Variants in SLC35B4 observed in about 807,000 individuals in gnomAD.
SLC35B4 encodes nucleotide sugar transporter SLC35B4.
Under a neutral mutation model 39.5 loss-of-function variants are expected in SLC35B4, and 28 were observed. The observed-to-expected ratio is 0.71, with a 90% confidence interval of 0.53 to 0.97. SLC35B4 has a LOEUF of 0.97. Ranked by LOEUF, SLC35B4 falls within the 50% of genes least tolerant of loss-of-function variation. The probability of loss-of-function intolerance (pLI) is 0.00; values close to 1 mark genes in which losing one functional copy is unlikely to be tolerated. For missense variants in SLC35B4, 334 were observed against 414.3 expected (o/e 0.81, Z 1.68); for synonymous variants, 145 against 150.4 (o/e 0.96, Z 0.26).
Position 134,316,896 on chromosome 7 carries a change from C to T in SLC35B4, c.-145G>A. On this transcript the variant is annotated 5_prime_UTR_variant, in exon 1 of 10. Transcript: ENST00000378509. ...CTCTCACTGGGGGCCGCCGCGGTCTCCCCTTCTCCCGCGGCCAACACCGAC... is the reference window on the plus strand; with the variant it reads ...CTCTCACTGGGGGCCGCCGCGGTCTTCCCTTCTCCCGCGGCCAACACCGAC... 1 of 718,152 alleles carries T rather than the reference C, an allele frequency of 1.4e-6. No individual in the cohort carries two copies. The allele number at this position is 718,152 out of a possible 1,614,324, so 44.5% of individuals were successfully genotyped here.
chr7:134,312,864 A>T (rs1259575145), intron 1 of SLC35B4, among the ~76,000 whole-genome samples: 1 of 152,098 alleles, frequency 6.6e-6, no homozygotes. Flanking sequence ...GATTATTACA[A>T]TTCAGTGGGG....
chr7:134,315,992 C>CT (rs5887674), intron 1 of SLC35B4, among the ~76,000 whole-genome samples: 3,254 of 148,338 alleles, frequency 0.022, 133 homozygotes, highest in African/African-American at 0.075. Context: ...CTTCTACTTG[C>CT]TTTTTTTTTT....
chr7:134,298,131 A>G (rs1459126501), intron 8 of SLC35B4, among the ~76,000 whole-genome samples: 1 of 152,228 alleles, frequency 6.6e-6, no homozygotes, highest in African/African-American at 2.4e-5. Flanking sequence ...AATGTCTCAT[A>G]TATACATACA....
intron 8 of SLC35B4, chr7:134,299,249 A>G: frequency 2.8e-6 from 1 of 353,334 alleles, no homozygotes; most frequent in Non-Finnish European, 5.2e-6. Context: ...TGCATTCTCA[A>G]AACATCAAAC....
At chr7:134,296,076 G>A (rs544434610) in intron 9 of SLC35B4, among the ~76,000 whole-genome samples, 5 of 151,780 alleles carry the variant, frequency 3.3e-5, no homozygotes, top group South Asian at 2.1e-4. Context: ...TGATCTGCCC[G>A]CCTCGGCCTC....
intron 8 of SLC35B4, among the ~76,000 whole-genome samples, chr7:134,297,118 G>A (rs188766849): frequency 4.6e-5 from 7 of 151,960 alleles, no homozygotes; most frequent in African/African-American, 1.2e-4. Context: ...ACGGGGTTTC[G>A]CCATGTTGGC....
rs1245516187 is a variant in SLC35B4 at position 134,316,712 on chromosome 7, A to C, written c.40T>G (p.Cys14Gly). The change falls in exon 1 of 10, where the codon TGC (cysteine) becomes GGC (glycine). Residue 14 changes from cysteine to glycine, a missense_variant. Coordinates refer to ENST00000378509, the MANE Select transcript of SLC35B4 (RefSeq NM_032826.5). Reference protein sequence around the residue: ...ALAVGLVFAGCCSNVIFLELL... With the variant: ...ALAVGLVFAGGCSNVIFLELL... ...TCTAGGAAGATCACGTTACTGCAGC[A>C]GCCTGCGAACACCAGGCCCACCGCC... 1.9e-6 allele frequency: 3 copies of C among 1,550,566 alleles called. No homozygotes were observed. The highest frequency in any genetic ancestry group is 2.6e-6 in the Non-Finnish European group (3 of 1,146,764).
Position 134,306,674 on chromosome 7 carries a change from A to C in SLC35B4, c.292T>G (p.Ser98Ala), listed in dbSNP as rs1430797020. Reference sequence around the variant, plus strand: ...ACACGTGATCCGGCAGCACTTACGGATCTAAATATCATATGCAGGGGCATG... The same window carrying C: ...ACACGTGATCCGGCAGCACTTACGGCTCTAAATATCATATGCAGGGGCATG... ...IAMPLHMIFR[S>A]GSLIANMILG... is the part of the protein sequence containing the mutation. Residue 98 changes from serine to alanine, a missense_variant and splice_region_variant, in exon 3 of 10, where the codon TCC (serine) becomes GCC (alanine). Transcript: ENST00000378509. The C allele has an allele frequency of 1.2e-6, 2 of 1,613,290 alleles. No individual in the cohort carries two copies. The highest frequency in any genetic ancestry group is 4.5e-5 in the East Asian group (2 of 44,860).
In SLC35B4 at chr7:134,293,201, A is replaced by C. The variant is rs796518242; in HGVS notation, c.*1632T>G. The C allele has an allele frequency of 6.6e-6, 1 of 152,264 alleles. No individual in the cohort carries two copies. The highest frequency in any genetic ancestry group is 6.6e-5 in the Admixed American group (1 of 15,264). The allele number at this position is 152,264 out of a possible 1,614,324, so 9.4% of individuals were successfully genotyped here. A position where few individuals can be genotyped will look rare whatever the true frequency, so the allele number is the denominator to read the frequency against. ...TAGGCAAACAGAGAAGTGGCCGGTG[A>C]GTTCAGCTGCTTACAGAGGAGCATG... On this transcript the variant is annotated 3_prime_UTR_variant, in exon 10 of 10. Transcript: ENST00000378509.
chr7:134,300,173 G>A lies in SLC35B4; in HGVS notation c.576C>T (p.Ser192=). ...ETLYKRFGKH[S]KEALFYNHAL... is the part of the protein sequence containing the mutation. Reference sequence around the variant, plus strand: ...TTACATTATAAAACAAAGCCTCCTTGGAGTGTTTCCCAAATCGTTTGTAGA... The same window carrying A: ...TTACATTATAAAACAAAGCCTCCTTAGAGTGTTTCCCAAATCGTTTGTAGA... Residue 192 remains serine, a synonymous_variant, in exon 7 of 10, where the codon TCC becomes TCT. Transcript: ENST00000378509. 1 of 1,611,560 alleles carries A rather than the reference G, an allele frequency of 6.2e-7. No individual in the cohort carries two copies. The highest frequency in any genetic ancestry group is 2.2e-5 in the East Asian group (1 of 44,820).
At position 134,300,330 on chromosome 7, in the gene SLC35B4, A is replaced by G. The variant is rs542371146; in HGVS notation, c.488-69T>C. 6.1e-6 allele frequency: 7 copies of G among 1,140,640 alleles called. No homozygotes were observed. In the South Asian group the frequency reaches 7.2e-5, roughly 12 times the overall value. The allele number at this position is 1,140,640 out of a possible 1,614,324, so 70.7% of individuals were successfully genotyped here. A position where few individuals can be genotyped will look rare whatever the true frequency, so the allele number is the denominator to read the frequency against. On this transcript the variant is annotated intron_variant, in intron 6 of 9. Transcript: ENST00000378509. ...TTTCCAGATGTTTTTCTTGAAGAACATTATTGTTTAAAGTCCTGCAAATAT... is the reference window on the plus strand; with the variant it reads ...TTTCCAGATGTTTTTCTTGAAGAACGTTATTGTTTAAAGTCCTGCAAATAT...
intron 1 of SLC35B4, among the ~76,000 whole-genome samples, chr7:134,312,947 T>C (rs1170520377): frequency 6.6e-6 from 1 of 152,218 alleles, no homozygotes; most frequent in Non-Finnish European, 1.5e-5. Context: ...GATACTCTAT[T>C]CCCATTTTGA....
At chr7:134,307,818 T>C (rs1201350377) in intron 2 of SLC35B4, among the ~76,000 whole-genome samples, 1 of 152,192 alleles carries the variant, frequency 6.6e-6, no homozygotes, top group Non-Finnish European at 1.5e-5. Flanking sequence ...GCTGAATTAA[T>C]ATAGTCTGGA....
upstream of SLC35B4, chr7:134,317,037 A>C (rs561906187): frequency 9.9e-6 from 4 of 403,674 alleles, no homozygotes; most frequent in Non-Finnish European, 1.8e-5. Context: ...TCAGGATGCG[A>C]CGTTCCCGCT....
At position 134,294,471 on chromosome 7, in the gene SLC35B4, T is replaced by G; in HGVS notation, c.*362A>C. 1 of 213,448 alleles carries G rather than the reference T, an allele frequency of 4.7e-6. No individual in the cohort carries two copies. The highest frequency in any genetic ancestry group is 9.7e-6 in the Non-Finnish European group (1 of 103,488). The allele number at this position is 213,448 out of a possible 1,614,324, so 13.2% of individuals were successfully genotyped here. A position where few individuals can be genotyped will look rare whatever the true frequency, so the allele number is the denominator to read the frequency against. ...AATGACTGCTGTAGCAGAGATGCAT[T>G]ACAACAGCAAGAGAAGGGACAATCT... On this transcript the variant is annotated 3_prime_UTR_variant, in exon 10 of 10. Coordinates refer to ENST00000378509, the MANE Select transcript of SLC35B4 (RefSeq NM_032826.5).
chr7:134,318,398 C>T (rs1482900681), upstream of SLC35B4, among the ~76,000 whole-genome samples: 3 of 114,408 alleles, frequency 2.6e-5, no homozygotes, highest in Admixed American at 2.9e-4. Flanking sequence ...AGTGCTGGCA[C>T]ATTAAACAAT....
At chr7:134,306,978 T>C (rs1803724746) in intron 2 of SLC35B4, among the ~76,000 whole-genome samples, 1 of 152,208 alleles carries the variant, frequency 6.6e-6, no homozygotes, top group African/African-American at 2.4e-5. Context: ...ATCTAAGTTA[T>C]AAAATACATT....
upstream of SLC35B4, among the ~76,000 whole-genome samples, chr7:134,318,953 C>T (rs1804055259): frequency 6.6e-6 from 1 of 152,146 alleles, no homozygotes; most frequent in South Asian, 2.1e-4. Context: ...TGCAGCATGG[C>T]CTGAGATTCT....
intron 8 of SLC35B4, among the ~76,000 whole-genome samples, chr7:134,297,117 C>T (rs141248055): frequency 0.026 from 4,012 of 152,200 alleles, 115 homozygotes; most frequent in African/African-American, 0.067. Flanking sequence ...GACGGGGTTT[C>T]GCCATGTTGG....
Sources: gnomAD v4.1 joint callset for allele counts (sites outside exome capture counted in the v4.1 genomes callset) on GRCh38, gnomAD v4.1.1 for gene constraint, MANE v1.5 for transcripts, NCBI Gene and HGNC (gene_info 2026-07-23, HGNC 2026-07-21) for gene names.